The following TBC1D5 variants were observed in gnomAD, a reference collection of about 807,000 sequenced individuals.
TBC1D5 encodes the protein TBC1 domain family, member 5.
Under a neutral mutation model 100.3 loss-of-function variants are expected in TBC1D5, and 75 were observed. That is an observed-to-expected ratio of 0.75 (90% CI 0.62 to 0.91). The LOEUF (loss-of-function observed/expected upper bound fraction) is 0.91, where lower values mean the gene tolerates loss of function less well. Ranked by LOEUF, TBC1D5 falls within the 40% of genes least tolerant of loss-of-function variation. The probability of loss-of-function intolerance (pLI) is 0.00; values close to 1 mark genes in which losing one functional copy is unlikely to be tolerated. For synonymous variants in TBC1D5, 323 were observed against 325.6 expected, an observed-to-expected ratio of 0.99 and a Z score of 0.09; for missense variants, 910 against 942.4, an observed-to-expected ratio of 0.97 and a Z score of 0.45.
upstream of TBC1D5, among the ~76,000 whole-genome samples, chr3:17,742,254 G>A (rs887424569): frequency 6.6e-6 from 1 of 152,184 alleles, no homozygotes; most frequent in Non-Finnish European, 1.5e-5. Context: ...ACAAACGGGG[G>A]GCGGTGCGGC....
At chr3:17,676,248 C>G (rs545008412) in intron 1 of TBC1D5, among the ~76,000 whole-genome samples, 1 of 152,074 alleles carries the variant, frequency 6.6e-6, no homozygotes, top group Admixed American at 6.6e-5. Flanking sequence ...TATTATCTAC[C>G]TCATTTCTGC....
intron 16 of TBC1D5, among the ~76,000 whole-genome samples, chr3:17,243,589 T>A (rs1213864683): frequency 6.6e-6 from 1 of 152,060 alleles, no homozygotes; most frequent in African/African-American, 2.4e-5. Context: ...CAGGCTAGCA[T>A]GAAAGATTAA....
intron 14 of TBC1D5, among the ~76,000 whole-genome samples, chr3:17,294,167 T>A (rs1467797092): frequency 2.6e-5 from 4 of 152,128 alleles, no homozygotes; most frequent in Non-Finnish European, 4.4e-5. Flanking sequence ...TAAACCAATC[T>A]CCAGAAAAGC....
intron 4 of TBC1D5, among the ~76,000 whole-genome samples, chr3:17,425,947 G>T (rs2094325061): frequency 6.6e-6 from 1 of 152,052 alleles, no homozygotes; most frequent in Non-Finnish European, 1.5e-5. Context: ...AACAAGTTAG[G>T]CATTATAATG....
At chr3:17,542,707 T>C (rs369141568) in intron 2 of TBC1D5, among the ~76,000 whole-genome samples, 1 of 152,214 alleles carries the variant, frequency 6.6e-6, no homozygotes, top group African/African-American at 2.4e-5. Context: ...TCTGCATCTA[T>C]TGAGATGATC....
intron 1 of TBC1D5, among the ~76,000 whole-genome samples, chr3:17,701,820 G>T (rs374742939): frequency 1.2e-4 from 18 of 151,006 alleles, no homozygotes; most frequent in Non-Finnish European, 2.4e-4. Context: ...AAAATTACTA[G>T]AACACAATCC....
chr3:17,383,837 T>A, intron 9 of TBC1D5, 76 bp downstream of exon 9: 1 of 1,145,184 alleles, frequency 8.7e-7, no homozygotes, highest in South Asian at 1.5e-5. Context: ...AAAGGCTACA[T>A]TATTGCTCTA....
chr3:17,209,649 CT>C (rs1249989065), intron 18 of TBC1D5, among the ~76,000 whole-genome samples: 1 of 152,186 alleles, frequency 6.6e-6, no homozygotes. Flanking sequence ...TATGTAAATT[CT>C]AATCCCAGCT....
intron 3 of TBC1D5, 35 bp from the exon 4 acceptor site, chr3:17,428,554 G>C (rs1193015810): frequency 1.7e-6 from 2 of 1,197,516 alleles, no homozygotes; most frequent in South Asian, 3.3e-5. Context: ...AAATAATGGA[G>C]ATAAACTGAA....
chr3:17,290,558 A>G (rs543389510), intron 15 of TBC1D5, among the ~76,000 whole-genome samples: 18 of 152,328 alleles, frequency 1.2e-4, no homozygotes, highest in African/African-American at 3.6e-4. Context: ...CCTAATGCTA[A>G]GCTGATAGAA....
At chr3:17,667,059 G>C (rs1187908135) in intron 1 of TBC1D5, among the ~76,000 whole-genome samples, 1 of 152,098 alleles carries the variant, frequency 6.6e-6, no homozygotes, top group Non-Finnish European at 1.5e-5. Context: ...CATTGTAGAA[G>C]TACAGTCAGC....
chr3:17,459,738 G>GAA (rs538273400), intron 3 of TBC1D5, among the ~76,000 whole-genome samples: 1 of 133,140 alleles, frequency 7.5e-6, no homozygotes, highest in African/African-American at 2.8e-5. Flanking sequence ...TCTCTTAAAG[G>GAA]AAAAAAAAAA....
intron 13 of TBC1D5, among the ~76,000 whole-genome samples, chr3:17,341,101 T>C (rs6768716): frequency 0.061 from 9,258 of 152,310 alleles, 550 homozygotes; most frequent in African/African-American, 0.15. Flanking sequence ...TATTTTCCTA[T>C]AAAACAATCT....
intron 3 of TBC1D5, among the ~76,000 whole-genome samples, chr3:17,441,453 A>T (rs902841086): frequency 6.6e-6 from 1 of 152,232 alleles, no homozygotes; most frequent in Non-Finnish European, 1.5e-5. Context: ...AAAGTCAGCC[A>T]TTTGAATATC....
chr3:17,406,246 GT>G (rs1410840981), intron 5 of TBC1D5, among the ~76,000 whole-genome samples, 171 bp downstream of exon 5: 9 of 152,026 alleles, frequency 5.9e-5, no homozygotes, highest in Admixed American at 5.9e-4. Context: ...GACTAAGGTA[GT>G]TCAACCTTAT....
chr3:17,188,721 C>G (rs1487638668), intron 18 of TBC1D5, among the ~76,000 whole-genome samples: 1 of 152,206 alleles, frequency 6.6e-6, no homozygotes, highest in African/African-American at 2.4e-5. Flanking sequence ...GCTTCCAAAA[C>G]TGTGGGAACT....
exon 3 of TBC1D5, chr3:17,508,537 G>T: frequency 6.2e-7 from 1 of 1,613,744 alleles, no homozygotes. Context: ...TCTGGCTGCA[G>T]AGGATGTCTA....
intron 15 of TBC1D5, among the ~76,000 whole-genome samples, chr3:17,277,701 A>C (rs1477316536): frequency 6.6e-6 from 1 of 152,212 alleles, no homozygotes; most frequent in East Asian, 1.9e-4. Context: ...AGAACTGGGA[A>C]GAAATAGTGT....
intron 14 of TBC1D5, among the ~76,000 whole-genome samples, chr3:17,299,693 C>G (rs922633476): frequency 6.6e-6 from 1 of 151,778 alleles, no homozygotes; most frequent in African/African-American, 2.4e-5. Flanking sequence ...CCCGTCTCTA[C>G]TAAAAATACA....
Sources: gnomAD v4.1 joint callset for allele counts (sites outside exome capture counted in the v4.1 genomes callset) on GRCh38, gnomAD v4.1.1 for gene constraint, MANE v1.5 for transcripts, NCBI Gene and HGNC (gene_info 2026-07-23, HGNC 2026-07-21) for gene names.